The following PPP1R15B variants were observed in gnomAD, a reference collection of about 807,000 sequenced individuals.
PPP1R15B encodes protein phosphatase 1 regulatory subunit 15B, also known as protein phosphatase 1, regulatory (inhibitor) subunit 15B.
A neutral mutation model predicts 53.9 loss-of-function variants in PPP1R15B; 31 were observed. The observed-to-expected ratio is 0.58, with a 90% CI of 0.43 to 0.78. PPP1R15B has a LOEUF of 0.78. Ranked by LOEUF, PPP1R15B falls within the 30% of genes least tolerant of loss-of-function variation. The pLI is 0.00. For missense variants in PPP1R15B, 928 were observed against 849.6 expected (o/e 1.09, Z -1.15); for synonymous variants, 345 against 329.1 (o/e 1.05, Z -0.52).
chr1:204,411,247 C>A lies in PPP1R15B; in HGVS notation c.165G>T (p.Gln55His). Reference sequence around the variant, plus strand: ...TCCAGTAACTGACCCGAGTCTCGGGCTGGGCAGAGGAAAGCAGTGTGGGGT... The same window carrying A: ...TCCAGTAACTGACCCGAGTCTCGGGATGGGCAGAGGAAAGCAGTGTGGGGT... Reference protein sequence around the residue: ...SGNPTLLSSAQPETRVSYWTK... With the variant: ...SGNPTLLSSAHPETRVSYWTK... Residue 55 changes from glutamine to histidine, a missense_variant, in exon 1 of 2, where the codon CAG (glutamine) becomes CAT (histidine). Coordinates refer to ENST00000367188, the MANE Select transcript of PPP1R15B (RefSeq NM_032833.5). 6.2e-7 allele frequency: 1 copy of A among 1,614,242 alleles called. No individual in the cohort carries two copies. Among genetic ancestry groups the A allele is most frequent in the South Asian group, 1.1e-5 (1 of 91,082 alleles).
chr1:204,403,478 C>A lies in PPP1R15B; in HGVS notation c.*2614G>T. On this transcript the variant is annotated 3_prime_UTR_variant, in exon 2 of 2. Transcript: ENST00000367188. ...TTAACTATAAAATCCCAACTAGTTACATTTAAATTATTGATCTGTAGAAGC... is the reference window on the plus strand; with the variant it reads ...TTAACTATAAAATCCCAACTAGTTAAATTTAAATTATTGATCTGTAGAAGC... 1.1e-6 allele frequency: 1 copy of A among 880,482 alleles called. No individual in the cohort carries two copies. Among genetic ancestry groups the A allele is most frequent in the Non-Finnish European group, 1.4e-6 (1 of 734,198 alleles). The allele number at this position is 880,482 out of a possible 1,614,324, so 54.5% of individuals were successfully genotyped here. A position where few individuals can be genotyped will look rare whatever the true frequency, so the allele number is the denominator to read the frequency against.
intron 1 of PPP1R15B, among the ~76,000 whole-genome samples, chr1:204,409,181 C>T (rs956165225): frequency 6.6e-6 from 1 of 152,116 alleles, no homozygotes; most frequent in African/African-American, 2.4e-5. Context: ...TTTAATAGTC[C>T]GTTAAAAAGT....
chr1:204,404,741 T>G lies in PPP1R15B; in HGVS notation c.*1351A>C. 1 of 985,874 alleles carries G rather than the reference T, an allele frequency of 1.0e-6. No individual in the cohort carries two copies. Among genetic ancestry groups the G allele is most frequent in the Non-Finnish European group, 1.2e-6 (1 of 829,926 alleles). 61.1% of individuals were successfully genotyped at this position (985,874 alleles called of 1,614,324 possible). The stretch of plus-strand genomic sequence containing the variant: ...ACTAAGAGGTCACCTATTCTACTTA[T>G]GTTTTCCATTACCTGTGACAGGAAG... On this transcript the variant is annotated 3_prime_UTR_variant, in exon 2 of 2. Coordinates refer to ENST00000367188, the MANE Select transcript of PPP1R15B (RefSeq NM_032833.5).
rs1402665910 is a variant in PPP1R15B, at chr1:204,411,262, C to G, written c.150G>C (p.Leu50=). The change falls in exon 1 of 2, where the codon CTG becomes CTC. Residue 50 remains leucine, a synonymous_variant. Transcript: ENST00000367188. The part of the protein sequence containing the change: ...LGPENSGNPT[L]LSSAQPETRV... ...GAGTCTCGGGCTGGGCAGAGGAAAG[C>G]AGTGTGGGGTTCCCGGAGTTTTCCG... 2 of 1,614,082 alleles carry G rather than the reference C, an allele frequency of 1.2e-6. No homozygotes were observed. Among genetic ancestry groups the G allele is most frequent in the Non-Finnish European group, 1.7e-6 (2 of 1,180,040 alleles).
At position 204,405,750 on chromosome 1, in the gene PPP1R15B, T is replaced by C. The variant is rs961739799; in HGVS notation, c.*342A>G. On this transcript the variant is annotated 3_prime_UTR_variant, in exon 2 of 2. Transcript: ENST00000367188. ...AAATGAAAATGGGCTTTAAGCCCTA[T>C]AAATATTGTTTTCCAAGAAAATAAG... 2.9e-6 allele frequency: 3 copies of C among 1,027,058 alleles called. No individual in the cohort carries two copies. The highest frequency in any genetic ancestry group is 3.4e-5 in the African/African-American group (2 of 58,552). The allele number at this position is 1,027,058 out of a possible 1,614,324, so 63.6% of individuals were successfully genotyped here. A position where few individuals can be genotyped will look rare whatever the true frequency, so the allele number is the denominator to read the frequency against.
chr1:204,399,060 A>C (rs1674133608), downstream of PPP1R15B, among the ~76,000 whole-genome samples: 1 of 152,196 alleles, frequency 6.6e-6, no homozygotes, highest in Admixed American at 6.5e-5. Flanking sequence ...TGATTGTGGC[A>C]CACTTGTTTC....
downstream of PPP1R15B, among the ~76,000 whole-genome samples, chr1:204,402,588 T>C (rs1184803630): frequency 6.6e-6 from 1 of 151,344 alleles, no homozygotes; most frequent in Non-Finnish European, 1.5e-5. Context: ...GGGCCAGTTT[T>C]TTTGTTTTTT....
At position 204,411,621 on chromosome 1, in the gene PPP1R15B, C is replaced by T. The variant is rs1439342529; in HGVS notation, c.-210G>A. ...AGGGAAGAACAGCCCGCGCAATAGG[C>T]GGCGACTGATGCGACTTCCATCCTG... On this transcript the variant is annotated 5_prime_UTR_variant, in exon 1 of 2. Coordinates refer to ENST00000367188, the MANE Select transcript of PPP1R15B (RefSeq NM_032833.5). 9.4e-6 allele frequency: 6 copies of T among 635,378 alleles called. No homozygotes were observed. The highest frequency in any genetic ancestry group is 3.0e-5 in the Admixed American group (1 of 33,526). The allele number at this position is 635,378 out of a possible 1,614,324, so 39.4% of individuals were successfully genotyped here. A position where few individuals can be genotyped will look rare whatever the true frequency, so the allele number is the denominator to read the frequency against.
Position 204,404,971 on chromosome 1 carries a change from T to G in PPP1R15B, c.*1121A>C. 1.0e-6 allele frequency: 1 copy of G among 984,992 alleles called. No homozygotes were observed. Among genetic ancestry groups the G allele is most frequent in the Non-Finnish European group, 1.2e-6 (1 of 829,120 alleles). 61.0% of individuals were successfully genotyped at this position (984,992 alleles called of 1,614,324 possible). A position where few individuals can be genotyped will look rare whatever the true frequency, so the allele number is the denominator to read the frequency against. On this transcript the variant is annotated 3_prime_UTR_variant, in exon 2 of 2. Coordinates refer to ENST00000367188, the MANE Select transcript of PPP1R15B (RefSeq NM_032833.5). ...TTCCTGAAAGTAAAGGCCTTGCCATTACTTCTCTCATTATTAAATAGTAGG... is the reference window on the plus strand; with the variant it reads ...TTCCTGAAAGTAAAGGCCTTGCCATGACTTCTCTCATTATTAAATAGTAGG...
downstream of PPP1R15B, among the ~76,000 whole-genome samples, chr1:204,396,937 T>C (rs1674107695): frequency 1.3e-5 from 2 of 152,064 alleles, no homozygotes; most frequent in African/African-American, 4.8e-5. Flanking sequence ...CTCACACCTG[T>C]AATCTCAACA....
Position 204,406,685 on chromosome 1 carries a change from G to C in PPP1R15B, c.1921-372C>G, listed in dbSNP as rs1330195796. Among the ~76,000 whole-genome samples, 4 of 151,654 alleles carry C rather than the reference G, an allele frequency of 2.6e-5. No individual in the cohort carries two copies. In the East Asian group the frequency reaches 7.7e-4, roughly 29 times the overall value. ...GAGAACAGTTTGAACCTGGGAGGTGGAGGTTGCAGTGAGCCAATATCGCGC... is the reference window on the plus strand; with the variant it reads ...GAGAACAGTTTGAACCTGGGAGGTGCAGGTTGCAGTGAGCCAATATCGCGC... On this transcript the variant is annotated intron_variant, in intron 1 of 1. Transcript: ENST00000367188.
downstream of PPP1R15B, among the ~76,000 whole-genome samples, chr1:204,396,800 G>A (rs1279930613): frequency 1.3e-5 from 2 of 152,142 alleles, no homozygotes; most frequent in African/African-American, 4.8e-5. Context: ...AGTGGGTTGG[G>A]GAGACGTTGC....
At chr1:204,401,883 T>C (rs1390093976), downstream of PPP1R15B, among the ~76,000 whole-genome samples, 4 of 152,120 alleles carry the variant, frequency 2.6e-5, no homozygotes, top group East Asian at 7.7e-4. Context: ...TGAGCCAAGA[T>C]CGCACCAATG....
At position 204,410,075 on chromosome 1, in the gene PPP1R15B, T is replaced by A. The variant is rs1182433990; in HGVS notation, c.1337A>T (p.Glu446Val). The change falls in exon 1 of 2, where the codon GAG becomes GTG. Residue 446 changes from glutamate (E) to valine (V), a missense_variant. Coordinates refer to ENST00000367188, the MANE Select transcript of PPP1R15B (RefSeq NM_032833.5). ...ATCCTCAGCTTCCTCATCCCAATCCTCACCTTCTGGATCAGAACTTGTTTC... is the reference window on the plus strand; with the variant it reads ...ATCCTCAGCTTCCTCATCCCAATCCACACCTTCTGGATCAGAACTTGTTTC... Reference protein sequence around the residue: ...DLETSSDPEGEDWDEEAEDDG... With the variant: ...DLETSSDPEGVDWDEEAEDDG... The A allele has an allele frequency of 6.2e-7, 1 of 1,614,216 alleles. No individual in the cohort carries two copies.
At position 204,404,605 on chromosome 1, in the gene PPP1R15B, T is replaced by C; in HGVS notation, c.*1487A>G. On this transcript the variant is annotated 3_prime_UTR_variant, in exon 2 of 2. Coordinates refer to ENST00000367188, the MANE Select transcript of PPP1R15B (RefSeq NM_032833.5). ...TGAATATATAAACAGTGGAGGCAGTTCTTAGAACTGGATAGAAATAAAATA... is the reference window on the plus strand; with the variant it reads ...TGAATATATAAACAGTGGAGGCAGTCCTTAGAACTGGATAGAAATAAAATA... 1 of 985,498 alleles carries C rather than the reference T, an allele frequency of 1.0e-6. No homozygotes were observed. Among genetic ancestry groups the C allele is most frequent in the Non-Finnish European group, 1.2e-6 (1 of 829,582 alleles). 61.0% of individuals were successfully genotyped at this position (985,498 alleles called of 1,614,324 possible).
At position 204,403,729 on chromosome 1, in the gene PPP1R15B, T is replaced by C; in HGVS notation, c.*2363A>G. The C allele has an allele frequency of 1.0e-6, 1 of 985,316 alleles. No individual in the cohort carries two copies. The highest frequency in any genetic ancestry group is 1.2e-6 in the Non-Finnish European group (1 of 829,436). The allele number at this position is 985,316 out of a possible 1,614,324, so 61.0% of individuals were successfully genotyped here. On this transcript the variant is annotated 3_prime_UTR_variant, in exon 2 of 2. Transcript: ENST00000367188. ...AATGTTTAATTAAAACCTCCAAAGATTTTCTCTTTAAGATTACGGGGGTTT... is the reference window on the plus strand; with the variant it reads ...AATGTTTAATTAAAACCTCCAAAGACTTTCTCTTTAAGATTACGGGGGTTT...
Position 204,403,696 on chromosome 1 carries a change from A to C in PPP1R15B, c.*2396T>G. On this transcript the variant is annotated 3_prime_UTR_variant, in exon 2 of 2. Coordinates refer to ENST00000367188, the MANE Select transcript of PPP1R15B (RefSeq NM_032833.5). ...TAAAGCACCATTAACAAGACTTTAA[A>C]TGTATAAAATGTTTAATTAAAACCT... is the stretch of plus-strand genomic sequence containing the variant. 1.0e-6 allele frequency: 1 copy of C among 984,624 alleles called. No individual in the cohort carries two copies. The highest frequency in any genetic ancestry group is 1.2e-6 in the Non-Finnish European group (1 of 828,788). The allele number at this position is 984,624 out of a possible 1,614,324, so 61.0% of individuals were successfully genotyped here. A position where few individuals can be genotyped will look rare whatever the true frequency, so the allele number is the denominator to read the frequency against.
chr1:204,399,112 A>G (rs1165926927), downstream of PPP1R15B, among the ~76,000 whole-genome samples: 1 of 152,206 alleles, frequency 6.6e-6, no homozygotes, highest in African/African-American at 2.4e-5. Flanking sequence ...AATAAAGCTG[A>G]TAAGAGAGGT....
rs977330678 is a variant in PPP1R15B at position 204,405,125 on chromosome 1, T to C, written c.*967A>G. 5.1e-6 allele frequency: 5 copies of C among 985,710 alleles called. No individual in the cohort carries two copies. Among genetic ancestry groups the C allele is most frequent in the African/African-American group, 3.5e-5 (2 of 57,244 alleles). 61.1% of individuals were successfully genotyped at this position (985,710 alleles called of 1,614,324 possible). A position where few individuals can be genotyped will look rare whatever the true frequency, so the allele number is the denominator to read the frequency against. ...TAAAAGTGACAGTGCTGAGGCATGA[T>C]ATTCATTAACACTGGTTTTCTGTTG... On this transcript the variant is annotated 3_prime_UTR_variant, in exon 2 of 2. Transcript: ENST00000367188.
Sources: allele counts gnomAD v4.1 joint callset (sites outside exome capture counted in the v4.1 genomes callset), GRCh38; gene constraint gnomAD v4.1.1; transcripts MANE v1.5; gene names NCBI Gene and HGNC (gene_info 2026-07-23, HGNC 2026-07-21).